SAMD4B: variants seen among roughly 807,000 people sequenced by gnomAD.
SAMD4B encodes sterile alpha motif domain containing 4B.
Under a neutral mutation model 74.5 loss-of-function variants are expected in SAMD4B, and 5 were observed. That is an observed-to-expected ratio of 0.07 (90% CI 0.04 to 0.14). The LOEUF (loss-of-function observed/expected upper bound fraction) is 0.14. SAMD4B is among the 10% of genes least tolerant of loss of function. SAMD4B has a pLI of 1.00. For synonymous variants in SAMD4B, 373 were observed against 374.9 expected (o/e 1.00, Z 0.06); for missense variants, 608 against 921.8 (o/e 0.66, Z 4.41).
At chr19:39,390,740 TG>T in the SAMD4B span, 2 of 1,447,816 alleles carry the variant, frequency 1.4e-6, no homozygotes, top group Non-Finnish European at 1.9e-6. Flanking sequence ...CGGGCAGACC[TG>T]GGGGCTGGTG....
intron 3 of SAMD4B, among the ~76,000 whole-genome samples, chr19:39,363,189 C>G (rs997415835): frequency 6.6e-6 from 1 of 152,140 alleles, no homozygotes. Context: ...GTCACCTGGC[C>G]AGCTCTGCCC....
At chr19:39,380,147 T>G (rs2077872584) in intron 10 of SAMD4B, 63 bp downstream of exon 10, 1 of 1,257,690 alleles carries the variant, frequency 8.0e-7, no homozygotes, top group South Asian at 1.3e-5. Context: ...TAGCAGATCG[T>G]GCTTAGAGGG....
At position 39,378,365 on chromosome 19, in the gene SAMD4B, A is replaced by G. The variant is rs2077730388; in HGVS notation, c.1445-139A>G. 5.0e-5 allele frequency: 34 copies of G among 677,564 alleles called. No homozygotes were observed. The South Asian group carries it at 5.9e-4, about 12-fold the overall frequency. 42.0% of individuals were successfully genotyped at this position (677,564 alleles called of 1,614,324 possible). ...TGTATATCCTCATGATAACCCAAAT[A>G]CCATGGCTAGCACTTAATAGTTGAT... On this transcript the variant is annotated intron_variant, in intron 8 of 13. Transcript: ENST00000610417. This position sits in a 1 kb window ranked among gnomAD's most constrained non-coding sequence, Gnocchi z 4.4.
Position 39,377,767 on chromosome 19 carries a change from C to T in SAMD4B, c.1387C>T (p.Pro463Ser). The change falls in exon 8 of 14, where the codon CCG becomes TCG. Residue 463 changes from proline (P) to serine (S), a missense_variant. Transcript: ENST00000610417. ...PAPTDGSEPA[P>S]APVADGDIPS... ...TCCCACTGATGGCAGTGAGCCTGCC[C>T]CGGCTCCCGTCGCCGACGGAGACAT... 1 of 1,613,666 alleles carries T rather than the reference C, an allele frequency of 6.2e-7. No homozygotes were observed. The highest frequency in any genetic ancestry group is 1.7e-4 in the Middle Eastern group (1 of 6,058).
chr19:39,389,329 G>A (rs765837778), downstream of SAMD4B: 9 of 1,614,112 alleles, frequency 5.6e-6, no homozygotes, highest in Non-Finnish European at 7.6e-6. This position sits in a 1 kb window ranked among gnomAD's most constrained non-coding sequence, Gnocchi z 5.3. Context: ...TGAACTCAGT[G>A]GAGATGTACT....
chr19:39,380,083 G>A lies in SAMD4B; in HGVS notation c.1648G>A (p.Gly550Ser). ...LEMQNYRQQK[G>S]WAFGSNSLPI... ...GATGCAGAACTACCGGCAGCAGAAAGGGTAGGCGGGTGGCCAGGTTACAGG... is the reference window on the plus strand; with the variant it reads ...GATGCAGAACTACCGGCAGCAGAAAAGGTAGGCGGGTGGCCAGGTTACAGG... The change falls in exon 10 of 14, where the codon GGC (glycine) becomes AGC (serine). Residue 550 changes from glycine to serine, a missense_variant and splice_region_variant. Around this residue, in one of 9 missense-constraint regions of SAMD4B, gnomAD observed 167 missense variants for 193.0 expected, o/e 0.87. Transcript: ENST00000610417. 6.2e-7 allele frequency: 1 copy of A among 1,612,580 alleles called. No individual in the cohort carries two copies. The highest frequency in any genetic ancestry group is 8.5e-7 in the Non-Finnish European group (1 of 1,179,228).
At chr19:39,372,307 A>T (rs2077356044) in intron 4 of SAMD4B, among the ~76,000 whole-genome samples, 2 of 152,194 alleles carry the variant, frequency 1.3e-5, no homozygotes, top group South Asian at 4.1e-4. Context: ...TAAGGACTTC[A>T]TGCAGAAATG....
intron 3 of SAMD4B, among the ~76,000 whole-genome samples, chr19:39,364,034 C>T (rs986999755): frequency 2.0e-5 from 3 of 152,192 alleles, no homozygotes; most frequent in African/African-American, 4.8e-5. Context: ...TCATGGGAGG[C>T]CCGCCCTCCC....
intron 4 of SAMD4B, among the ~76,000 whole-genome samples, chr19:39,370,432 C>T (rs2077221159): frequency 6.6e-6 from 1 of 152,136 alleles, no homozygotes; most frequent in South Asian, 2.1e-4. Context: ...CTTGAGAAGT[C>T]AAAAGATCTA....
chr19:39,367,044 AATTC>A (rs1433755901), intron 3 of SAMD4B, among the ~76,000 whole-genome samples: 12 of 152,340 alleles, frequency 7.9e-5, no homozygotes, highest in African/African-American at 2.9e-4. Flanking sequence ...GGCCTCACAT[AATTC>A]ATAGCAGCCA....
chr19:39,370,010 G>T lies in SAMD4B; in HGVS notation c.552G>T (p.Gly184=). Residue 184 remains glycine (G), a synonymous_variant, in exon 4 of 14, where the codon GGG becomes GGT. Transcript: ENST00000610417. ...GGGGCCCTGCAGAGCTAGGCCCTGG[G>T]GAGGCAGGGCCAGGCTGGCAGGACA... The part of the protein sequence containing the change: ...EWGGPAELGP[G]EAGPGWQDKP... The T allele has an allele frequency of 6.2e-7, 1 of 1,613,146 alleles. No homozygotes were observed. Among genetic ancestry groups the T allele is most frequent in the East Asian group, 2.2e-5 (1 of 44,820 alleles).
chr19:39,377,755 A>G lies in SAMD4B; in HGVS notation c.1375A>G (p.Ser459Gly). 1.2e-6 allele frequency: 2 copies of G among 1,614,130 alleles called. No individual in the cohort carries two copies. Among genetic ancestry groups the G allele is most frequent in the Non-Finnish European group, 1.7e-6 (2 of 1,179,982 alleles). ...PPPAPAPTDG[S>G]EPAPAPVADG... The stretch of plus-strand genomic sequence containing the variant: ...ACCAGCTCCAGCTCCCACTGATGGC[A>G]GTGAGCCTGCCCCGGCTCCCGTCGC... Residue 459 changes from serine to glycine, a missense_variant, in exon 8 of 14, where the codon AGT (serine) becomes GGT (glycine). Physicochemically the swap from Ser to Gly is moderately conservative, Grantham distance 56. Transcript: ENST00000610417.
chr19:39,347,226 T>C (rs2075757302), intron 1 of SAMD4B, among the ~76,000 whole-genome samples: 1 of 152,216 alleles, frequency 6.6e-6, no homozygotes, highest in African/African-American at 2.4e-5. Flanking sequence ...ATGACAAATA[T>C]GGTCCTCAGC....
At chr19:39,390,328 C>G, downstream of SAMD4B, 1 of 1,583,992 alleles carries the variant, frequency 6.3e-7, no homozygotes, top group African/African-American at 1.3e-5. Flanking sequence ...GTGGAGAGGA[C>G]GGGATTGACA....
At chr19:39,356,579 C>T (rs1488329521) in intron 2 of SAMD4B, 110 bp from the exon 3 acceptor site, 14 of 216,454 alleles carry the variant, frequency 6.5e-5, no homozygotes, top group Admixed American at 2.3e-4. Flanking sequence ...CTCAGCAGAG[C>T]AAGTACCCTG....
rs866117186 is a variant in SAMD4B, at chr19:39,342,471, C to G, written c.-372C>G. On this transcript the variant is annotated 5_prime_UTR_variant, in exon 1 of 14. Coordinates refer to ENST00000610417, the MANE Select transcript of SAMD4B (RefSeq NM_001384574.2). ...CGGCGGCGGCGGCGGCGGCGGTGGTCGGTGCGGGAGGAGGGAGGGGAGCTT... is the reference window on the plus strand; with the variant it reads ...CGGCGGCGGCGGCGGCGGCGGTGGTGGGTGCGGGAGGAGGGAGGGGAGCTT... The G allele has an allele frequency of 9.2e-4, 166 of 180,102 alleles. 1 individual carries two copies. The highest frequency in any genetic ancestry group is 3.7e-3 in the African/African-American group (151 of 40,896). The allele number at this position is 180,102 out of a possible 1,614,324, so 11.2% of individuals were successfully genotyped here. A position where few individuals can be genotyped will look rare whatever the true frequency, so the allele number is the denominator to read the frequency against.
At chr19:39,348,930 C>G (rs946097527) in intron 1 of SAMD4B, among the ~76,000 whole-genome samples, 1 of 152,172 alleles carries the variant, frequency 6.6e-6, no homozygotes, top group Non-Finnish European at 1.5e-5. Flanking sequence ...ATTTATGCCT[C>G]ACAACTCTAT....
At position 39,375,761 on chromosome 19, in the gene SAMD4B, C is replaced by T; in HGVS notation, c.779C>T (p.Ala260Val). The T allele has an allele frequency of 6.2e-7, 1 of 1,614,188 alleles. No homozygotes were observed. The highest frequency in any genetic ancestry group is 1.1e-5 in the South Asian group (1 of 91,090). Reference protein sequence around the residue: ...WPSPEELGARAAFTTPDHAPL... With the variant: ...WPSPEELGARVAFTTPDHAPL... ...AGTCCAGAGGAGCTTGGGGCCCGGG[C>T]TGCTTTTACCACGCCCGATCACGCA... Residue 260 changes from alanine to valine, a missense_variant, in exon 5 of 14, where the codon GCT becomes GTT. Physicochemically the swap from Ala to Val is moderately conservative, Grantham distance 64. Transcript: ENST00000610417. This position sits in a 1 kb window ranked among gnomAD's most constrained non-coding sequence, Gnocchi z 4.1.
chr19:39,360,943 G>T (rs1022254718), intron 3 of SAMD4B, among the ~76,000 whole-genome samples: 1 of 152,092 alleles, frequency 6.6e-6, no homozygotes, highest in Non-Finnish European at 1.5e-5. Flanking sequence ...ATGCCCTGCT[G>T]GATGATTCAT....
Sources: gnomAD v4.1 joint callset for allele counts (sites outside exome capture counted in the v4.1 genomes callset) on GRCh38, gnomAD v4.1.1 for gene constraint, gnomAD v4.1.1 regional missense constraint, Gnocchi (gnomAD v3.1) non-coding constraint, MANE v1.5 for transcripts, NCBI Gene and HGNC (gene_info 2026-07-23, HGNC 2026-07-21) for gene names.